Variants in CACNB1 observed in about 807,000 individuals in gnomAD.
CACNB1 encodes the protein voltage-dependent L-type calcium channel subunit beta-1.
CACNB1 carries 29 observed loss-of-function variants against 71.6 expected under a neutral mutation model. That is an observed-to-expected ratio of 0.40 (90% CI 0.30 to 0.55). The LOEUF is 0.55. Among genes scored for constraint, CACNB1 ranks in the 20% least tolerant of loss-of-function variants. The probability of loss-of-function intolerance (pLI) is 0.38; values close to 1 mark genes in which losing one functional copy is unlikely to be tolerated. For synonymous variants in CACNB1, 300 were observed against 319.6 expected, an observed-to-expected ratio of 0.94 and a Z score of 0.65; for missense variants, 623 against 801.8, an observed-to-expected ratio of 0.78 and a Z score of 2.69.
At chr17:39,184,458 G>C in intron 8 of CACNB1, 75 bp from the exon 9 acceptor site, 6 of 855,120 alleles carry the variant, frequency 7.0e-6, no homozygotes, top group Non-Finnish European at 1.2e-5. Flanking sequence ...TGAGTCGCTG[G>C]GTATTTGTAC....
chr17:39,177,392 G>C lies in CACNB1; in HGVS notation c.1290C>G (p.Thr430=), dbSNP rs916998970. 2 of 1,613,294 alleles carry C rather than the reference G, an allele frequency of 1.2e-6. No homozygotes were observed. Among genetic ancestry groups the C allele is most frequent in the South Asian group, 1.1e-5 (1 of 90,948 alleles). The change falls in exon 13 of 14, where the codon ACC becomes ACG. Residue 430 remains threonine (T), a synonymous_variant. Transcript: ENST00000394303. ...GGGCAGGGCTGGCAGCCAGGGCTGCGGTAGCCATGGTGCGGTTCAGCAGCG... is the reference window on the plus strand; with the variant it reads ...GGGCAGGGCTGGCAGCCAGGGCTGCCGTAGCCATGGTGCGGTTCAGCAGCG... ...PNPLLNRTMA[T]AALAASPAPV...
intron 11 of CACNB1, among the ~76,000 whole-genome samples, chr17:39,180,252 G>A (rs1190276743): frequency 4.1e-5 from 6 of 147,778 alleles, no homozygotes; most frequent in Non-Finnish European, 7.4e-5. Flanking sequence ...GCCAGAGTGA[G>A]ACCCTAGCTC....
At chr17:39,185,916 C>T in intron 6 of CACNB1, 2 of 1,598,478 alleles carry the variant, frequency 1.3e-6, no homozygotes, top group South Asian at 1.1e-5. Flanking sequence ...GGCCCTGACT[C>T]CCCCACCTCT....
chr17:39,187,359 G>C (rs2045966834), intron 4 of CACNB1, 120 bp downstream of exon 4: 3 of 1,144,510 alleles, frequency 2.6e-6, no homozygotes, highest in Non-Finnish European at 3.8e-6. Flanking sequence ...GGAGAGATTT[G>C]TCTAAGGTCA....
At position 39,186,980 on chromosome 17, in the gene CACNB1, G is replaced by A. The variant is rs533689017; in HGVS notation, c.415-51C>T. 1.3e-5 allele frequency: 20 copies of A among 1,596,562 alleles called. No individual in the cohort carries two copies. Among genetic ancestry groups the A allele is most frequent in the South Asian group, 8.9e-5 (8 of 90,330 alleles). On this transcript the variant is annotated intron_variant, in intron 4 of 13. Coordinates refer to ENST00000394303, the MANE Select transcript of CACNB1 (RefSeq NM_000723.5). The surrounding 1 kb of genome is among the most constrained non-coding windows in gnomAD (Gnocchi z 4.1). ...GAAAGAGCAAGAGGGAAACTGCAGGGGCAAGCTAGCAGTCACTCTCTAGGG... is the reference window on the plus strand; with the variant it reads ...GAAAGAGCAAGAGGGAAACTGCAGGAGCAAGCTAGCAGTCACTCTCTAGGG...
chr17:39,191,403 T>A, intron 3 of CACNB1, 71 bp downstream of exon 3: 1 of 1,473,338 alleles, frequency 6.8e-7, no homozygotes, highest in Non-Finnish European at 9.1e-7. Context: ...CCTGGTTCTG[T>A]CTGGGCTCTC....
Position 39,175,339 on chromosome 17 carries a change from C to T in CACNB1, c.1651G>A (p.Glu551Lys). The change falls in exon 14 of 14, where the codon GAG becomes AAG. Residue 551 changes from glutamate to lysine, a missense_variant. Transcript: ENST00000394303. The surrounding 1 kb of genome is among the most constrained non-coding windows in gnomAD (Gnocchi z 4.7). ...AGCTCTTCCTCATAGTCTTCTTCCT[C>T]GTCCTCCCAGGATCCCTGTCGGGCT... is the stretch of plus-strand genomic sequence containing the variant. ...PPARQGSWED[E>K]EEDYEEELTD... The T allele has an allele frequency of 6.2e-7, 1 of 1,614,186 alleles. No homozygotes were observed.
At chr17:39,177,819 C>T (rs1429380295) in intron 12 of CACNB1, among the ~76,000 whole-genome samples, 165 bp downstream of exon 12, 1 of 152,146 alleles carries the variant, frequency 6.6e-6, no homozygotes, top group Non-Finnish European at 1.5e-5. Flanking sequence ...GGGCTTGAAC[C>T]CAGTCTTTGA....
Position 39,194,680 on chromosome 17 carries a change from C to T in CACNB1, c.171+204G>A, listed in dbSNP as rs549116261. ...GGGTGCCTGGTGCTGGGGGAGGGGCCGGGCAGGGGCGGGGGCTGAGCGAGT... is the reference window on the plus strand; with the variant it reads ...GGGTGCCTGGTGCTGGGGGAGGGGCTGGGCAGGGGCGGGGGCTGAGCGAGT... On this transcript the variant is annotated intron_variant, in intron 2 of 13. Coordinates refer to ENST00000394303, the MANE Select transcript of CACNB1 (RefSeq NM_000723.5). The surrounding 1 kb of genome is among the most constrained non-coding windows in gnomAD (Gnocchi z 4.6). Among the ~76,000 whole-genome samples, 113 of 143,514 alleles carry T rather than the reference C, an allele frequency of 7.9e-4. 1 individual carries two copies. Among genetic ancestry groups the T allele is most frequent in the African/African-American group, 2.8e-3 (110 of 39,606 alleles). The allele number at this position is 143,514 out of a possible 152,430, so 94.2% of individuals were successfully genotyped here. A position where few individuals can be genotyped will look rare whatever the true frequency, so the allele number is the denominator to read the frequency against.
intron 12 of CACNB1, 93 bp from the exon 13 acceptor site, chr17:39,177,628 G>T: frequency 1.0e-6 from 1 of 973,528 alleles, no homozygotes; most frequent in Non-Finnish European, 1.5e-6. Flanking sequence ...GTAGAGTCAA[G>T]GGATTGAAGG....
intron 3 of CACNB1, among the ~76,000 whole-genome samples, chr17:39,188,413 A>G (rs533208671): frequency 7.0e-4 from 106 of 152,218 alleles, no homozygotes; most frequent in African/African-American, 2.4e-3. Context: ...TGTCGCTACT[A>G]AAAATACAAA....
At chr17:39,183,569 C>T in intron 11 of CACNB1, 144 bp downstream of exon 11, 2 of 693,556 alleles carry the variant, frequency 2.9e-6, no homozygotes, top group Admixed American at 3.0e-5. Flanking sequence ...AAACACTTGA[C>T]AATACGATGG....
Position 39,177,338 on chromosome 17 carries a change from G to T in CACNB1, c.1332+12C>A, listed in dbSNP as rs754288220. 1 of 1,612,728 alleles carries T rather than the reference G, an allele frequency of 6.2e-7. No homozygotes were observed. Among genetic ancestry groups the T allele is most frequent in the African/African-American group, 1.3e-5 (1 of 75,056 alleles). On this transcript the variant is annotated intron_variant, in intron 13 of 13. Coordinates refer to ENST00000394303, the MANE Select transcript of CACNB1 (RefSeq NM_000723.5). ...AGCCGAGGTTTCTCCTGAGCGAGGT[G>T]AGCACCTGTACCTGGAGGTTGGAGA...
chr17:39,181,817 A>C (rs1328664283), intron 11 of CACNB1, among the ~76,000 whole-genome samples: 1 of 152,122 alleles, frequency 6.6e-6, no homozygotes, highest in East Asian at 1.9e-4. Flanking sequence ...CAGGAGTTTG[A>C]GACCAGCCTG....
intron 11 of CACNB1, among the ~76,000 whole-genome samples, chr17:39,178,536 T>TACCC (rs1567792690): frequency 6.6e-6 from 1 of 152,000 alleles, no homozygotes; most frequent in African/African-American, 2.4e-5. Context: ...CGTGCCATCA[T>TACCC]ACCCCACTAA....
chr17:39,175,282 C>T lies in CACNB1; in HGVS notation c.1708G>A (p.Ala570Thr), dbSNP rs752813399. The change falls in exon 14 of 14, where the codon GCC becomes ACC. Residue 570 changes from alanine to threonine, a missense_variant. Transcript: ENST00000394303. This position sits in a 1 kb window ranked among gnomAD's most constrained non-coding sequence, Gnocchi z 4.7. ...TDNRNRGRNK[A>T]RYCAEGGGPV... Reference sequence around the variant, plus strand: ...CCCCCACCCTCAGCGCAGTAGCGGGCCTTATTCCGGCCCCGGTTCCGGTTG... The same window carrying T: ...CCCCCACCCTCAGCGCAGTAGCGGGTCTTATTCCGGCCCCGGTTCCGGTTG... 3.7e-6 allele frequency: 6 copies of T among 1,614,212 alleles called. No individual in the cohort carries two copies. Among genetic ancestry groups the T allele is most frequent in the East Asian group, 4.5e-5 (2 of 44,872 alleles).
Position 39,175,126 on chromosome 17 carries a change from T to C in CACNB1, c.*67A>G, listed in dbSNP as rs922132804. The C allele has an allele frequency of 4.1e-5, 53 of 1,291,710 alleles. No individual in the cohort carries two copies. Among genetic ancestry groups the C allele is most frequent in the Non-Finnish European group, 5.3e-5 (49 of 920,024 alleles). 80.0% of individuals were successfully genotyped at this position (1,291,710 alleles called of 1,614,324 possible). ...CCTGGAGGCGAATACATGTCAGGTG[T>C]GAGCCCCTCGCTCCCTCCCCTCCCC... On this transcript the variant is annotated 3_prime_UTR_variant, in exon 14 of 14. Coordinates refer to ENST00000394303, the MANE Select transcript of CACNB1 (RefSeq NM_000723.5). The surrounding 1 kb of genome is among the most constrained non-coding windows in gnomAD (Gnocchi z 4.7).
intron 11 of CACNB1, 180 bp from the exon 12 acceptor site, chr17:39,178,259 T>C: frequency 1.8e-6 from 1 of 569,626 alleles, no homozygotes. Context: ...GTGTCTACCC[T>C]ATGCAAAGCT....
Position 39,184,101 on chromosome 17 carries a change from A to T in CACNB1, c.828T>A (p.Ala276=). 2 of 1,613,630 alleles carry T rather than the reference A, an allele frequency of 1.2e-6. No homozygotes were observed. Among genetic ancestry groups the T allele is most frequent in the Non-Finnish European group, 1.7e-6 (2 of 1,179,704 alleles). ...ITRVTADISL[A]KRSVLNNPSK... ...TGGGGTTGTTGAGAACTGAGCGCTT[A>T]GCCAGGGAAATATCTGCCGTCACAC... The change falls in exon 10 of 14, where the codon GCT becomes GCA. Residue 276 remains alanine (A), a synonymous_variant. Transcript: ENST00000394303.
Sources: gnomAD v4.1 joint callset for allele counts (sites outside exome capture counted in the v4.1 genomes callset) on GRCh38, gnomAD v4.1.1 for gene constraint, Gnocchi (gnomAD v3.1) non-coding constraint, MANE v1.5 for transcripts, NCBI Gene and HGNC (gene_info 2026-07-23, HGNC 2026-07-21) for gene names.